GPRC6A: variants seen among roughly 807,000 people sequenced by gnomAD.
GPRC6A encodes the protein G protein-coupled receptor class C group 6 member A.
A neutral mutation model predicts 47.0 loss-of-function variants in GPRC6A; 54 were observed. That is an observed-to-expected ratio of 1.15 (90% CI 0.92 to 1.44). The LOEUF is 1.44. Ranked by LOEUF, GPRC6A falls within the 40% of genes most tolerant of loss-of-function variation. GPRC6A has a pLI of 0.00. For missense variants in GPRC6A, 1,112 were observed against 1,105.5 expected, an observed-to-expected ratio of 1.01 and a Z score of -0.08; for synonymous variants, 347 against 377.1, an observed-to-expected ratio of 0.92 and a Z score of 0.93.
chr6:116,820,476 C>T (rs1223926518), intron 1 of GPRC6A, among the ~76,000 whole-genome samples: 12 of 151,628 alleles, frequency 7.9e-5, no homozygotes, highest in East Asian at 3.9e-4. Flanking sequence ...ACTGGCAAAA[C>T]GAATCCAGCA....
intron 1 of GPRC6A, among the ~76,000 whole-genome samples, chr6:116,828,295 T>TC (rs914660407): frequency 2.6e-5 from 4 of 152,218 alleles, no homozygotes; most frequent in South Asian, 2.1e-4. Context: ...CACAAAGTGT[T>TC]CATCCAGCAG....
intron 1 of GPRC6A, among the ~76,000 whole-genome samples, chr6:116,819,855 A>G (rs1773392294): frequency 2.0e-5 from 3 of 150,446 alleles, no homozygotes; most frequent in South Asian, 2.1e-4. Flanking sequence ...AAATAACTAA[A>G]ATCAGAGCAG....
rs1397080250 is a variant in GPRC6A at position 116,826,144 on chromosome 6, C to T, written c.194+2676G>A. Among the ~76,000 whole-genome samples the T allele has an allele frequency of 4.0e-5, 6 of 151,456 alleles. No individual in the cohort carries two copies. The East Asian group carries it at 9.6e-4, about 24-fold the overall frequency. ...GACATCAGTCTAGGCAAAGATTTTGCGGGTAAGACCTCAAAAGCACAGACA... is the reference window on the plus strand; with the variant it reads ...GACATCAGTCTAGGCAAAGATTTTGTGGGTAAGACCTCAAAAGCACAGACA... On this transcript the variant is annotated intron_variant, in intron 1 of 5. Coordinates refer to ENST00000310357, the MANE Select transcript of GPRC6A (RefSeq NM_148963.4).
chr6:116,813,914 A>G (rs1474380706), intron 1 of GPRC6A, among the ~76,000 whole-genome samples: 1 of 152,180 alleles, frequency 6.6e-6, no homozygotes, highest in Non-Finnish European at 1.5e-5. Flanking sequence ...ATTTACAAGA[A>G]AAAACAACCC....
At position 116,792,447 on chromosome 6, in the gene GPRC6A, G is replaced by T. The variant is rs755980101; in HGVS notation, c.2476C>A (p.Leu826Met). The change falls in exon 6 of 6, where the codon CTG (leucine) becomes ATG (methionine). Residue 826 changes from leucine to methionine, a missense_variant. By Grantham distance (15) the Leu-to-Met change is conservative. Coordinates refer to ENST00000310357, the MANE Select transcript of GPRC6A (RefSeq NM_148963.4). ...CATTTGGGGATGAATGTGCAATACA[G>T]GATTCCATAGTTAGATATTAATATG... ...IVILISNYGI[L>M]YCTFIPKCYV... 1.2e-6 allele frequency: 2 copies of T among 1,613,886 alleles called. No individual in the cohort carries two copies. The highest frequency in any genetic ancestry group is 1.1e-5 in the South Asian group (1 of 91,078).
At chr6:116,816,452 A>G (rs1773209320) in intron 1 of GPRC6A, among the ~76,000 whole-genome samples, 1 of 152,214 alleles carries the variant, frequency 6.6e-6, no homozygotes, top group African/African-American at 2.4e-5. Context: ...ATGCTGGTAC[A>G]AGCTGAAGCT....
intron 2 of GPRC6A, among the ~76,000 whole-genome samples, chr6:116,807,508 A>ACC (rs1454311113): frequency 6.6e-5 from 10 of 152,144 alleles, no homozygotes; most frequent in African/African-American, 2.2e-4. Flanking sequence ...GGTGGATATT[A>ACC]TTTAAATACT....
chr6:116,807,153 T>C lies in GPRC6A; in HGVS notation c.552A>G (p.Ser184=), dbSNP rs1772875685. 2 of 1,613,456 alleles carry C rather than the reference T, an allele frequency of 1.2e-6. No individual in the cohort carries two copies. Among genetic ancestry groups the C allele is most frequent in the African/African-American group, 1.3e-5 (1 of 75,012 alleles). The change falls in exon 3 of 6, where the codon TCA becomes TCG. Residue 184 remains serine (S), a synonymous_variant. Transcript: ENST00000310357. ...AGTCACTGGGCACAGTCCGTAAAAA[T>C]GAAGGAAAGCGAATTTTGTCACTCA... ...EILSDKIRFP[S]FLRTVPSDFH... is the part of the protein sequence containing the mutation.
chr6:116,826,302 T>G lies in GPRC6A; in HGVS notation c.194+2518A>C, dbSNP rs185791160. ...GCAGACTATTCATCCAACAACAGACTAATATCCAGAATATGCATGAAATTG... is the reference window on the plus strand; with the variant it reads ...GCAGACTATTCATCCAACAACAGACGAATATCCAGAATATGCATGAAATTG... On this transcript the variant is annotated intron_variant, in intron 1 of 5. Transcript: ENST00000310357. Among the ~76,000 whole-genome samples the G allele has an allele frequency of 1.3e-3, 194 of 151,948 alleles. 1 individual carries two copies. Among genetic ancestry groups the G allele is most frequent in the Non-Finnish European group, 1.3e-3 (87 of 67,818 alleles).
At chr6:116,795,464 G>T (rs186941628) in intron 5 of GPRC6A, among the ~76,000 whole-genome samples, 190 of 152,176 alleles carry the variant, frequency 1.2e-3, no homozygotes, top group African/African-American at 3.6e-3. Flanking sequence ...AAATATGAGC[G>T]AAGCGATAAC....
chr6:116,797,959 T>A (rs1048137827), intron 4 of GPRC6A, among the ~76,000 whole-genome samples: 1 of 152,148 alleles, frequency 6.6e-6, no homozygotes, highest in Non-Finnish European at 1.5e-5. Context: ...GAAATCAAAT[T>A]AAGGAAAATG....
Position 116,829,048 on chromosome 6 carries a change from T to A in GPRC6A, c.-35A>T. 3 of 1,578,426 alleles carry A rather than the reference T, an allele frequency of 1.9e-6. No homozygotes were observed. Among genetic ancestry groups the A allele is most frequent in the Non-Finnish European group, 2.6e-6 (3 of 1,162,072 alleles). ...TCATTTGCTCAGTTCATGTGAGTTC[T>A]TAGGAATCATTAAGTGCACGGAGTG... is the stretch of plus-strand genomic sequence containing the variant. On this transcript the variant is annotated 5_prime_UTR_variant, in exon 1 of 6. In the 5' UTR this introduces an upstream ATG that the reference lacks. Coordinates refer to ENST00000310357, the MANE Select transcript of GPRC6A (RefSeq NM_148963.4).
chr6:116,829,136 G>A (rs1773767677), upstream of GPRC6A: 4 of 1,081,630 alleles, frequency 3.7e-6, no homozygotes, highest in East Asian at 1.1e-4. Flanking sequence ...TCAAAGGCCA[G>A]AAACACTCAG....
Position 116,795,697 on chromosome 6 carries a change from A to T in GPRC6A, c.1672+15T>A. 1 of 1,598,208 alleles carries T rather than the reference A, an allele frequency of 6.3e-7. No individual in the cohort carries two copies. Among genetic ancestry groups the T allele is most frequent in the Non-Finnish European group, 8.5e-7 (1 of 1,169,830 alleles). ...AGAGGAATGATTCAGGTGTATGTGG[A>T]GTGACTGTGATTACCTGTCTGATTA... On this transcript the variant is annotated intron_variant, in intron 5 of 5. Coordinates refer to ENST00000310357, the MANE Select transcript of GPRC6A (RefSeq NM_148963.4).
At chr6:116,793,399 C>A in intron 5 of GPRC6A, 149 bp from the exon 6 acceptor site, 3 of 497,582 alleles carry the variant, frequency 6.0e-6, no homozygotes, top group Admixed American at 3.9e-5. Flanking sequence ...TAAAATAAAA[C>A]ATGCTAAAAC....
chr6:116,794,331 A>G (rs898693087), intron 5 of GPRC6A, among the ~76,000 whole-genome samples: 6 of 152,178 alleles, frequency 3.9e-5, no homozygotes, highest in Non-Finnish European at 7.3e-5. Flanking sequence ...TTTGCCCTGT[A>G]ACCACAGTTG....
chr6:116,822,663 A>G (rs1230914430), intron 1 of GPRC6A, among the ~76,000 whole-genome samples: 1 of 145,284 alleles, frequency 6.9e-6, no homozygotes, highest in African/African-American at 2.6e-5. Flanking sequence ...TTGAACAATG[A>G]GATCACATGG....
chr6:116,795,841 T>C lies in GPRC6A; in HGVS notation c.1549-6A>G. 6.4e-7 allele frequency: 1 copy of C among 1,569,694 alleles called. No individual in the cohort carries two copies. The highest frequency in any genetic ancestry group is 8.6e-7 in the Non-Finnish European group (1 of 1,157,058). ...GAGCATTTAGATTGAATTTGCTATA[T>C]TAAAAGTGAAAAAAAAAATCACAAG... On this transcript the variant is annotated splice_polypyrimidine_tract_variant and splice_region_variant and intron_variant, in intron 4 of 5. Transcript: ENST00000310357.
chr6:116,819,762 A>G (rs983066780), intron 1 of GPRC6A, among the ~76,000 whole-genome samples: 2 of 151,564 alleles, frequency 1.3e-5, no homozygotes, highest in Non-Finnish European at 3.0e-5. Context: ...AGCAGGAAAG[A>G]TCCAAAATTG....
Sources: allele counts gnomAD v4.1 joint callset (sites outside exome capture counted in the v4.1 genomes callset), GRCh38; gene constraint gnomAD v4.1.1; transcripts MANE v1.5; gene names NCBI Gene and HGNC (gene_info 2026-07-23, HGNC 2026-07-21).